The following TMEM181 variants were observed in gnomAD, a reference collection of about 807,000 sequenced individuals.
TMEM181 encodes G protein-coupled receptor 178.
A neutral mutation model predicts 71.9 loss-of-function variants in TMEM181; 39 were observed. The ratio of observed to expected loss-of-function variants is 0.54; its 90% CI spans 0.42 to 0.71. TMEM181 has a LOEUF of 0.71. Ranked by LOEUF, TMEM181 falls within the 30% of genes least tolerant of loss-of-function variation. The pLI, the probability that TMEM181 is intolerant of heterozygous loss-of-function variation, is 0.00. For missense variants in TMEM181, 595 were observed against 583.0 expected, an observed-to-expected ratio of 1.02 and a Z score of -0.21; for synonymous variants, 245 against 228.8, an observed-to-expected ratio of 1.07 and a Z score of -0.64.
chr6:158,631,262 C>T (rs1385617967), intron 15 of TMEM181, 61 bp from the exon 16 acceptor site: 5 of 1,551,996 alleles, frequency 3.2e-6, no homozygotes, highest in Admixed American at 1.7e-5. Context: ...GGACAGCATC[C>T]TGCCTGTCCA....
intron 1 of TMEM181, chr6:158,537,007 C>G (rs1352632833): frequency 2.0e-5 from 4 of 195,354 alleles, no homozygotes; most frequent in South Asian, 2.0e-4. Flanking sequence ...CGGATGGGGA[C>G]GGGGTCGGGG....
At chr6:158,596,211 G>T (rs35016219) in intron 6 of TMEM181, among the ~76,000 whole-genome samples, 21,085 of 152,134 alleles carry the variant, frequency 0.14, 1,543 homozygotes, top group Non-Finnish European at 0.15. Flanking sequence ...GAGCCACTGC[G>T]CCTGGCCCAA....
At chr6:158,594,185 G>A (rs921507675) in intron 6 of TMEM181, among the ~76,000 whole-genome samples, 9 of 135,210 alleles carry the variant, frequency 6.7e-5, no homozygotes, top group Non-Finnish European at 1.2e-4. Context: ...TGCAACCTCC[G>A]CCTCCCAGGT....
At chr6:158,627,034 CT>C in intron 13 of TMEM181, among the ~76,000 whole-genome samples, 2 of 150,080 alleles carry the variant, frequency 1.3e-5, no homozygotes, top group Middle Eastern at 7.0e-3. Context: ...CTCACACATC[CT>C]TACACACACC....
At chr6:158,576,877 A>G (rs1420998560) in intron 2 of TMEM181, among the ~76,000 whole-genome samples, 2 of 152,066 alleles carry the variant, frequency 1.3e-5, no homozygotes, top group Non-Finnish European at 2.9e-5. Flanking sequence ...CCTGGCTAAC[A>G]TGGTGAAACC....
At chr6:158,629,596 G>C (rs1786543209) in intron 14 of TMEM181, 134 bp from the exon 15 acceptor site, 3 of 702,068 alleles carry the variant, frequency 4.3e-6, no homozygotes, top group Non-Finnish European at 7.3e-6. Context: ...TGACGTCTGG[G>C]TAATGGACCC....
chr6:158,561,443 C>G (rs1017326593), intron 1 of TMEM181, among the ~76,000 whole-genome samples: 3 of 152,342 alleles, frequency 2.0e-5, no homozygotes, highest in East Asian at 1.9e-4. Context: ...GTAAATAATA[C>G]TGCTTGGAAC....
chr6:158,541,173 T>TGG, intron 1 of TMEM181, among the ~76,000 whole-genome samples: 1 of 152,048 alleles, frequency 6.6e-6, no homozygotes, highest in Non-Finnish European at 1.5e-5. Flanking sequence ...CCTAGCACTT[T>TGG]GGGAGGCTGA....
chr6:158,629,683 C>T, intron 14 of TMEM181, 47 bp from the exon 15 acceptor site: 1 of 1,492,692 alleles, frequency 6.7e-7, no homozygotes, highest in Non-Finnish European at 9.1e-7. Context: ...GGCAGAGCCT[C>T]TGACTGATGT....
intron 13 of TMEM181, among the ~76,000 whole-genome samples, 156 bp downstream of exon 13, chr6:158,625,910 G>T (rs1359768365): frequency 1.3e-5 from 2 of 152,210 alleles, no homozygotes; most frequent in Non-Finnish European, 2.9e-5. Context: ...GGGCAGCCGA[G>T]AGCAGCCGTC....
chr6:158,625,449 C>G (rs920673476), intron 12 of TMEM181, among the ~76,000 whole-genome samples: 6 of 152,242 alleles, frequency 3.9e-5, no homozygotes, highest in Middle Eastern at 6.8e-3. Context: ...CAGAGCAGGG[C>G]GAGTCACCCT....
chr6:158,604,649 C>T (rs1218997444), intron 6 of TMEM181, among the ~76,000 whole-genome samples: 1 of 152,236 alleles, frequency 6.6e-6, no homozygotes, highest in Non-Finnish European at 1.5e-5. Flanking sequence ...CTTCTGCTTT[C>T]ACATTCATAC....
chr6:158,575,850 A>G (rs931340938), intron 2 of TMEM181, among the ~76,000 whole-genome samples: 4 of 152,148 alleles, frequency 2.6e-5, no homozygotes, highest in African/African-American at 7.2e-5. Flanking sequence ...TTGGCAGACA[A>G]TCCTTCTGGG....
chr6:158,587,382 A>G (rs1056668979), intron 5 of TMEM181, among the ~76,000 whole-genome samples: 7 of 152,178 alleles, frequency 4.6e-5, no homozygotes, highest in African/African-American at 1.7e-4. Context: ...CCCCTTGGGA[A>G]TATCTTGCTT....
At chr6:158,601,593 G>A (rs368433691) in intron 6 of TMEM181, among the ~76,000 whole-genome samples, 1 of 151,798 alleles carries the variant, frequency 6.6e-6, no homozygotes, top group African/African-American at 2.4e-5. Flanking sequence ...GCCCCGTCTC[G>A]ACTAAAAATA....
At chr6:158,611,534 A>G (rs947871299) in intron 10 of TMEM181, 2 of 466,110 alleles carry the variant, frequency 4.3e-6, no homozygotes, top group East Asian at 5.9e-5. Flanking sequence ...TACGAGAACT[A>G]TCTTTGGAAT....
chr6:158,621,097 G>T (rs924676896), intron 10 of TMEM181, among the ~76,000 whole-genome samples: 9 of 152,270 alleles, frequency 5.9e-5, no homozygotes, highest in Non-Finnish European at 1.3e-4. Context: ...TAGCCCCCAC[G>T]TCTGCTTTTA....
chr6:158,576,609 A>G (rs897580585), intron 2 of TMEM181, among the ~76,000 whole-genome samples: 2 of 152,144 alleles, frequency 1.3e-5, no homozygotes, highest in Non-Finnish European at 2.9e-5. Context: ...GCTCAGAGAA[A>G]ACCTTAAGTT....
At chr6:158,607,660 AC>A (rs968324175) in intron 8 of TMEM181, among the ~76,000 whole-genome samples, 4 of 152,156 alleles carry the variant, frequency 2.6e-5, no homozygotes, top group African/African-American at 9.7e-5. Flanking sequence ...ACAGAGCAAG[AC>A]CCTGTCTCTT....
Sources: gnomAD v4.1 joint callset for allele counts (sites outside exome capture counted in the v4.1 genomes callset) on GRCh38, gnomAD v4.1.1 for gene constraint, MANE v1.5 for transcripts, NCBI Gene and HGNC (gene_info 2026-07-23, HGNC 2026-07-21) for gene names.